The following CNGB3 variants were observed in gnomAD, a reference collection of about 807,000 sequenced individuals.
CNGB3 encodes the protein cyclic nucleotide gated channel subunit beta 3, also known as cyclic nucleotide-gated channel beta-3.
Under a neutral mutation model 92.8 loss-of-function variants are expected in CNGB3, and 86 were observed. That is an observed-to-expected ratio of 0.93 (90% CI 0.78 to 1.11). CNGB3 has a LOEUF of 1.11. Among genes scored for constraint, CNGB3 ranks in the 50% least tolerant of loss-of-function variants. The probability of loss-of-function intolerance (pLI) is 0.00; values close to 1 mark genes in which losing one functional copy is unlikely to be tolerated. For synonymous variants in CNGB3, 333 were observed against 332.7 expected (o/e 1.00, Z -0.01); for missense variants, 1,026 against 956.8 (o/e 1.07, Z -0.95).
intron 3 of CNGB3, among the ~76,000 whole-genome samples, chr8:86,677,661 T>C (rs1469762547): frequency 6.6e-6 from 1 of 152,042 alleles, no homozygotes; most frequent in Admixed American, 6.6e-5. Context: ...GAGACAGATC[T>C]AAAAGAGAAA....
At chr8:86,603,683 A>G (rs1392322872) in intron 15 of CNGB3, among the ~76,000 whole-genome samples, 1 of 152,200 alleles carries the variant, frequency 6.6e-6, no homozygotes, top group Non-Finnish European at 1.5e-5. Flanking sequence ...GTGAAACTGG[A>G]GTTTAAACTC....
At chr8:86,577,808 CT>C (rs1821686716) in intron 17 of CNGB3, among the ~76,000 whole-genome samples, 1 of 152,188 alleles carries the variant, frequency 6.6e-6, no homozygotes, top group African/African-American at 2.4e-5. Context: ...CAGGACTATG[CT>C]TGGGGGCTAT....
chr8:86,697,228 G>A (rs1824466911), intron 3 of CNGB3, among the ~76,000 whole-genome samples: 1 of 152,040 alleles, frequency 6.6e-6, no homozygotes, highest in Admixed American at 6.6e-5. Flanking sequence ...TCCAAAATCT[G>A]CTTGCATTTG....
chr8:86,715,539 T>A (rs374103544), intron 3 of CNGB3, among the ~76,000 whole-genome samples: 2 of 151,974 alleles, frequency 1.3e-5, no homozygotes, highest in East Asian at 1.9e-4. Flanking sequence ...CAAAAGAATC[T>A]GAACAGCAGC....
At chr8:86,683,415 T>A (rs1324326563) in intron 3 of CNGB3, among the ~76,000 whole-genome samples, 3 of 152,094 alleles carry the variant, frequency 2.0e-5, no homozygotes, top group African/African-American at 4.8e-5. Context: ...AAATGAAGGA[T>A]AATGGAAATG....
In CNGB3 at chr8:86,661,352, C is replaced by A. The variant is rs553740578; in HGVS notation, c.852+5573G>T. ...ATCCTTTTCAAGCAATATTGCTTTG[C>A]TTTTGCCAGAAGATAAAAATCATGT... is the stretch of plus-strand genomic sequence containing the variant. On this transcript the variant is annotated intron_variant, in intron 6 of 17. Coordinates refer to ENST00000320005, the MANE Select transcript of CNGB3 (RefSeq NM_019098.5). 1,024 of 399,152 alleles carry A rather than the reference C, an allele frequency of 2.6e-3. 15 individuals carry two copies. Among genetic ancestry groups the A allele is most frequent in the Middle Eastern group, 0.013 (27 of 2,058 alleles). The allele number at this position is 399,152 out of a possible 1,614,324, so 24.7% of individuals were successfully genotyped here. A position where few individuals can be genotyped will look rare whatever the true frequency, so the allele number is the denominator to read the frequency against.
At position 86,696,200 on chromosome 8, in the gene CNGB3, G is replaced by C. The variant is rs79379231; in HGVS notation, c.339-25102C>G. Among the ~76,000 whole-genome samples, 977 of 152,284 alleles carry C rather than the reference G, an allele frequency of 6.4e-3. 8 individuals are homozygous for C. The highest frequency in any genetic ancestry group is 0.022 in the African/African-American group (924 of 41,560). ...TAGCCAGGGCGTTGCAGGCAGTGGA[G>C]TTATCTATTGTTTTCTCCTTCTTTA... On this transcript the variant is annotated intron_variant, in intron 3 of 17. Coordinates refer to ENST00000320005, the MANE Select transcript of CNGB3 (RefSeq NM_019098.5).
rs527836727 is a variant in CNGB3 at position 86,670,377 on chromosome 8, C to T, written c.493+567G>A. ...ACACATATATCCTGAGCCTGGAGGT[C>T]ACCTGTAGGAGGCTTCCCTGCATCT... On this transcript the variant is annotated intron_variant, in intron 4 of 17. Transcript: ENST00000320005. Among the ~76,000 whole-genome samples the T allele has an allele frequency of 1.1e-4, 16 of 152,230 alleles. No homozygotes were observed. In the South Asian group the frequency reaches 3.1e-3, roughly 30 times the overall value.
At chr8:86,667,554 C>T (rs1362088702) in intron 5 of CNGB3, among the ~76,000 whole-genome samples, 1 of 152,204 alleles carries the variant, frequency 6.6e-6, no homozygotes, top group Non-Finnish European at 1.5e-5. Flanking sequence ...CCACATCCTG[C>T]CAGAAGGAGT....
chr8:86,620,449 T>C (rs1822702443), intron 13 of CNGB3, among the ~76,000 whole-genome samples: 1 of 152,160 alleles, frequency 6.6e-6, no homozygotes, highest in South Asian at 2.1e-4. Context: ...GCACCTGTGG[T>C]GTCTCTGTGT....
rs551981152 is a variant in CNGB3 at position 86,647,790 on chromosome 8, A to G, written c.990+11T>C. 4 of 1,312,716 alleles carry G rather than the reference A, an allele frequency of 3.0e-6. No homozygotes were observed. In the South Asian group the frequency reaches 4.7e-5, roughly 16 times the overall value. The allele number at this position is 1,312,716 out of a possible 1,614,324, so 81.3% of individuals were successfully genotyped here. On this transcript the variant is annotated intron_variant, in intron 8 of 17. Transcript: ENST00000320005. ...TATAAGGGAAAAGACAATTAAATAT[A>G]GTTATCTTACCTTTAACATCCTATT...
chr8:86,626,185 AC>A, intron 12 of CNGB3, 105 bp from the exon 13 acceptor site: 2 of 812,188 alleles, frequency 2.5e-6, no homozygotes, highest in Non-Finnish European at 4.2e-6. Flanking sequence ...CAAAATGCAA[AC>A]ACTTTTTATA....
At chr8:86,628,074 G>A (rs1822883964) in intron 12 of CNGB3, among the ~76,000 whole-genome samples, 1 of 152,084 alleles carries the variant, frequency 6.6e-6, no homozygotes, top group African/African-American at 2.4e-5. Context: ...ATATAATACA[G>A]ATAACATACA....
intron 3 of CNGB3, among the ~76,000 whole-genome samples, chr8:86,702,001 A>G (rs976080584): frequency 1.3e-5 from 2 of 152,222 alleles, no homozygotes; most frequent in Admixed American, 1.3e-4. Flanking sequence ...GTTTGAAAAT[A>G]TATATTTGAG....
intron 15 of CNGB3, among the ~76,000 whole-genome samples, chr8:86,600,819 A>T (rs1384317133): frequency 2.4e-5 from 2 of 83,620 alleles, no homozygotes; most frequent in Non-Finnish European, 2.1e-5. Context: ...TTTAGTAGAG[A>T]TGGGGTTTCA....
At chr8:86,735,041 G>GTT (rs1825221676) in intron 2 of CNGB3, among the ~76,000 whole-genome samples, 2 of 45,002 alleles carry the variant, frequency 4.4e-5, no homozygotes, top group East Asian at 7.6e-4. Context: ...AAATGCCGGT[G>GTT]GTTTTTTTTT....
At chr8:86,648,335 T>C (rs546770502) in intron 7 of CNGB3, among the ~76,000 whole-genome samples, 141 of 151,334 alleles carry the variant, frequency 9.3e-4, no homozygotes, top group African/African-American at 3.2e-3. Flanking sequence ...TCACAGTTGA[T>C]TATATTGTGG....
chr8:86,650,927 C>T (rs550246102), intron 7 of CNGB3, among the ~76,000 whole-genome samples: 16 of 151,794 alleles, frequency 1.1e-4, no homozygotes, highest in Admixed American at 3.9e-4. Context: ...GGCCATTGAC[C>T]AATGAGTGGA....
At chr8:86,596,044 G>A (rs1822165504) in intron 15 of CNGB3, among the ~76,000 whole-genome samples, 1 of 152,132 alleles carries the variant, frequency 6.6e-6, no homozygotes, top group Non-Finnish European at 1.5e-5. Context: ...CTTGTTATCT[G>A]TGATGAAAAA....
Sources: allele counts gnomAD v4.1 joint callset (sites outside exome capture counted in the v4.1 genomes callset), GRCh38; gene constraint gnomAD v4.1.1; transcripts MANE v1.5; gene names NCBI Gene and HGNC (gene_info 2026-07-23, HGNC 2026-07-21).